The following EPYC variants were observed in gnomAD, a reference collection of about 807,000 sequenced individuals.
The protein encoded by EPYC is dermatan sulfate proteoglycan 3.
A neutral mutation model predicts 30.1 loss-of-function variants in EPYC; 28 were observed. The observed-to-expected ratio is 0.93, with a 90% CI of 0.69 to 1.28. The LOEUF (loss-of-function observed/expected upper bound fraction) is 1.28. Among genes scored for constraint, EPYC ranks in the 50% most tolerant of loss-of-function variants. The probability of loss-of-function intolerance (pLI) is 0.00; values close to 1 mark genes in which losing one functional copy is unlikely to be tolerated. For synonymous variants in EPYC, 144 were observed against 141.4 expected (o/e 1.02, Z -0.13); for missense variants, 382 against 383.5 (o/e 1.00, Z 0.03).
chr12:90,974,827 T>A (rs1432947952), intron 3 of EPYC, among the ~76,000 whole-genome samples: 1 of 152,080 alleles, frequency 6.6e-6, no homozygotes, highest in Non-Finnish European at 1.5e-5. Flanking sequence ...AAATAAGGAT[T>A]GTAAGCTGTG....
chr12:90,969,596 T>G (rs1251899084), intron 6 of EPYC, among the ~76,000 whole-genome samples: 7 of 151,104 alleles, frequency 4.6e-5, no homozygotes, highest in Admixed American at 4.6e-4. Flanking sequence ...TAGGAATGCC[T>G]TAGGACTGAA....
At chr12:90,969,462 T>G (rs1386878156) in intron 6 of EPYC, among the ~76,000 whole-genome samples, 1 of 152,022 alleles carries the variant, frequency 6.6e-6, no homozygotes, top group African/African-American at 2.4e-5. Context: ...AACTGAATAC[T>G]TCAAAGATAA....
Position 90,970,096 on chromosome 12 carries a change from A to G in EPYC, c.746T>C (p.Leu249Ser). Reference sequence around the variant, plus strand: ...TGGGAGTGGCAGAGGGATGTGGTCCAAGTTGTTATCAGTGAGGTACAGATG... The same window carrying G: ...TGGGAGTGGCAGAGGGATGTGGTCCGAGTTGTTATCAGTGAGGTACAGATG... Reference protein sequence around the residue: ...LHHLYLTDNNLDHIPLPLPEN... With the variant: ...LHHLYLTDNNSDHIPLPLPEN... Residue 249 changes from leucine to serine, a missense_variant, in exon 6 of 7, where the codon TTG becomes TCG. Transcript: ENST00000261172. The G allele has an allele frequency of 6.2e-7, 1 of 1,614,030 alleles. No homozygotes were observed. Among genetic ancestry groups the G allele is most frequent in the Non-Finnish European group, 8.5e-7 (1 of 1,179,900 alleles).
intron 6 of EPYC, among the ~76,000 whole-genome samples, chr12:90,966,868 A>AT (rs2120792100): frequency 6.6e-6 from 1 of 152,170 alleles, no homozygotes; most frequent in African/African-American, 2.4e-5. Flanking sequence ...AATAGCTTGC[A>AT]TTTTTCTAGA....
intron 2 of EPYC, among the ~76,000 whole-genome samples, chr12:90,980,581 T>C (rs961997359): frequency 6.6e-6 from 1 of 152,172 alleles, no homozygotes; most frequent in African/African-American, 2.4e-5. Flanking sequence ...AATGCACACA[T>C]GCACAAAAAA....
intron 2 of EPYC, among the ~76,000 whole-genome samples, chr12:90,990,396 A>G (rs570020788): frequency 1.3e-5 from 2 of 152,264 alleles, no homozygotes; most frequent in East Asian, 3.9e-4. Context: ...GTGTGTTTAC[A>G]AAGGATATCC....
At chr12:90,995,904 T>C (rs1877683472) in intron 2 of EPYC, among the ~76,000 whole-genome samples, 1 of 151,912 alleles carries the variant, frequency 6.6e-6, no homozygotes, top group South Asian at 2.1e-4. Flanking sequence ...AGATCATCTT[T>C]AGTAAAGAGA....
chr12:90,992,724 G>A (rs1400658871), intron 2 of EPYC, among the ~76,000 whole-genome samples: 1 of 152,082 alleles, frequency 6.6e-6, no homozygotes, highest in African/African-American at 2.4e-5. Context: ...CATTATATTA[G>A]GGAGAATTTT....
intron 3 of EPYC, 73 bp downstream of exon 3, chr12:90,978,015 G>T: frequency 7.3e-7 from 1 of 1,365,898 alleles, no homozygotes; most frequent in Non-Finnish European, 9.7e-7. Context: ...TGGTTTCCCT[G>T]TAGAGTTGAA....
chr12:90,993,464 T>C (rs548006772), intron 2 of EPYC, among the ~76,000 whole-genome samples: 2 of 152,258 alleles, frequency 1.3e-5, no homozygotes, highest in East Asian at 1.9e-4. Flanking sequence ...CACCTGATCC[T>C]GAATTTAGAT....
At position 90,970,024 on chromosome 12, in the gene EPYC, C is replaced by G; in HGVS notation, c.798+20G>C. 1 of 1,590,646 alleles carries G rather than the reference C, an allele frequency of 6.3e-7. No individual in the cohort carries two copies. Among genetic ancestry groups the G allele is most frequent in the Middle Eastern group, 1.7e-4 (1 of 6,034 alleles). On this transcript the variant is annotated intron_variant, in intron 6 of 6. Transcript: ENST00000261172. ...GCTTTCTCTGAAGCCCTTGGGCGCA[C>G]CTTACTGGTAGACTCCTACCTGGAG...
At position 90,971,816 on chromosome 12, in the gene EPYC, T is replaced by C. The variant is rs1374537434; in HGVS notation, c.686A>G (p.Lys229Arg). Reference sequence around the variant, plus strand: ...AAAACTTACTTTAAATGCTTCTTGCTTTATCCCTTTCCTTCCAAGTCTATT... The same window carrying C: ...AAAACTTACTTTAAATGCTTCTTGCCTTATCCCTTTCCTTCCAAGTCTATT... The part of the protein sequence containing the change: ...SNNRLGRKGI[K>R]QEAFKDMYDL... Residue 229 changes from lysine to arginine, a missense_variant, in exon 5 of 7, where the codon AAG becomes AGG. Physicochemically the swap from Lys to Arg is conservative, Grantham distance 26. Coordinates refer to ENST00000261172, the MANE Select transcript of EPYC (RefSeq NM_004950.5). 2 of 1,603,602 alleles carry C rather than the reference T, an allele frequency of 1.2e-6. No homozygotes were observed. The highest frequency in any genetic ancestry group is 1.7e-6 in the Non-Finnish European group (2 of 1,176,012).
chr12:90,986,293 G>T (rs889428865), intron 2 of EPYC, among the ~76,000 whole-genome samples: 4 of 152,022 alleles, frequency 2.6e-5, no homozygotes, highest in Non-Finnish European at 4.4e-5. Context: ...AAGGCCTGAA[G>T]CTCACAAAGG....
chr12:90,991,759 G>C (rs1877589922), intron 2 of EPYC, among the ~76,000 whole-genome samples: 1 of 152,016 alleles, frequency 6.6e-6, no homozygotes, highest in South Asian at 2.1e-4. Flanking sequence ...AGTAGTCCAG[G>C]GTATGGCTTA....
intron 6 of EPYC, among the ~76,000 whole-genome samples, chr12:90,966,054 C>A (rs752187243): frequency 1.3e-5 from 2 of 151,902 alleles, no homozygotes; most frequent in Non-Finnish European, 2.9e-5. Flanking sequence ...TTTTTATATG[C>A]AAGATTATGT....
At position 90,963,986 on chromosome 12, in the gene EPYC, G is replaced by T; in HGVS notation, c.*170C>A. 2.0e-6 allele frequency: 1 copy of T among 506,926 alleles called. No individual in the cohort carries two copies. The highest frequency in any genetic ancestry group is 3.4e-6 in the Non-Finnish European group (1 of 298,170). The allele number at this position is 506,926 out of a possible 1,614,324, so 31.4% of individuals were successfully genotyped here. ...TAGGTTTATTCCTAACTCATCTGGTGTTTTCTTAAATTACTACATTTTCAT... is the reference window on the plus strand; with the variant it reads ...TAGGTTTATTCCTAACTCATCTGGTTTTTTCTTAAATTACTACATTTTCAT... On this transcript the variant is annotated 3_prime_UTR_variant, in exon 7 of 7. Coordinates refer to ENST00000261172, the MANE Select transcript of EPYC (RefSeq NM_004950.5).
chr12:90,979,607 A>G (rs11105900), intron 2 of EPYC, among the ~76,000 whole-genome samples: 10,484 of 152,132 alleles, frequency 0.069, 623 homozygotes, highest in South Asian at 0.2. Flanking sequence ...TTCTTTTATC[A>G]GTTTATATTT....
intron 3 of EPYC, among the ~76,000 whole-genome samples, chr12:90,976,745 C>T (rs2120820865): frequency 6.6e-6 from 1 of 152,186 alleles, no homozygotes; most frequent in East Asian, 1.9e-4. Flanking sequence ...CCATAATTCC[C>T]ACATGTTGTG....
chr12:90,971,441 G>A (rs938111219), intron 5 of EPYC, among the ~76,000 whole-genome samples: 7 of 152,036 alleles, frequency 4.6e-5, no homozygotes, highest in African/African-American at 1.4e-4. Context: ...AGGCCGAAGC[G>A]GGAGGATCAC....
Sources: allele counts gnomAD v4.1 joint callset (sites outside exome capture counted in the v4.1 genomes callset), GRCh38; gene constraint gnomAD v4.1.1; transcripts MANE v1.5; gene names NCBI Gene and HGNC (gene_info 2026-07-23, HGNC 2026-07-21).